RHEB: variants seen among roughly 807,000 people sequenced by gnomAD.
RHEB encodes the protein Ras homolog, mTORC1 binding, also known as GTP-binding protein Rheb.
RHEB carries 2 observed loss-of-function variants against 28.8 expected under a neutral mutation model. The observed-to-expected ratio is 0.07, with a 90% CI of 0.03 to 0.22. RHEB has a LOEUF of 0.22. Among genes scored for constraint, RHEB ranks in the 10% least tolerant of loss-of-function variants. The pLI, the probability that RHEB is intolerant of heterozygous loss-of-function variation, is 1.00. For missense variants in RHEB, 76 were observed against 219.9 expected, an observed-to-expected ratio of 0.35 and a Z score of 4.14; for synonymous variants, 69 against 77.3, an observed-to-expected ratio of 0.89 and a Z score of 0.56.
chr7:151,494,015 G>A (rs1417722075), intron 1 of RHEB, among the ~76,000 whole-genome samples: 1 of 152,200 alleles, frequency 6.6e-6, no homozygotes, highest in Non-Finnish European at 1.5e-5. Flanking sequence ...AAGGACTCCA[G>A]TGGGCTTTTT....
intron 3 of RHEB, among the ~76,000 whole-genome samples, chr7:151,480,690 T>C (rs1262915447): frequency 1.6e-5 from 2 of 127,966 alleles, no homozygotes; most frequent in African/African-American, 5.3e-5. Flanking sequence ...TTAATTATTA[T>C]TTTTTTTTTT....
Position 151,490,705 on chromosome 7 carries a change from A to C in RHEB, c.124+238T>G, listed in dbSNP as rs190691758. On this transcript the variant is annotated intron_variant, in intron 2 of 7. Transcript: ENST00000262187. The stretch of plus-strand genomic sequence containing the variant: ...GCAGATTCTGGAATTTGAAGATTCC[A>C]GTAATGGGCCAGACTCCTACTGACT... Among the ~76,000 whole-genome samples the C allele has an allele frequency of 2.0e-3, 312 of 152,342 alleles. 2 individuals are homozygous for C. The highest frequency in any genetic ancestry group is 7.3e-3 in the African/African-American group (303 of 41,572).
intron 7 of RHEB, 35 bp downstream of exon 7, chr7:151,470,536 A>T (rs1447114127): frequency 7.0e-7 from 1 of 1,419,330 alleles, no homozygotes; most frequent in Non-Finnish European, 1.0e-6. Context: ...ACTGATGAGA[A>T]CGCAATGCAA....
chr7:151,487,785 C>G (rs1011626609), intron 2 of RHEB, among the ~76,000 whole-genome samples: 1 of 152,212 alleles, frequency 6.6e-6, no homozygotes, highest in Non-Finnish European at 1.5e-5. Context: ...CCCTTTCTCC[C>G]TGCCTCTTTG....
intron 3 of RHEB, 75 bp downstream of exon 3, chr7:151,484,662 C>A (rs1802435985): frequency 8.9e-7 from 1 of 1,117,860 alleles, no homozygotes; most frequent in South Asian, 1.3e-5. Context: ...ATAGCTGGTA[C>A]TTTTAAAAAT....
At chr7:151,481,032 C>T (rs1463418011) in intron 3 of RHEB, among the ~76,000 whole-genome samples, 7 of 151,934 alleles carry the variant, frequency 4.6e-5, no homozygotes, top group Non-Finnish European at 1.5e-5. Flanking sequence ...AAAATCAGAC[C>T]TTGGTGACCT....
At chr7:151,509,137 G>A in intron 1 of RHEB, among the ~76,000 whole-genome samples, 1 of 152,204 alleles carries the variant, frequency 6.6e-6, no homozygotes, top group Non-Finnish European at 1.5e-5. Context: ...GCCTGAGTGG[G>A]CAACGTGAGC....
chr7:151,501,917 T>A (rs1252245603), intron 1 of RHEB: 3 of 718,984 alleles, frequency 4.2e-6, no homozygotes, highest in African/African-American at 3.6e-5. Flanking sequence ...GAACGTGGAG[T>A]TCTGGAAGAT....
chr7:151,494,710 G>A (rs1802644659), intron 1 of RHEB, among the ~76,000 whole-genome samples: 1 of 152,218 alleles, frequency 6.6e-6, no homozygotes, highest in African/African-American at 2.4e-5. Context: ...CTGTTCATTA[G>A]CAGAAGTGGC....
At chr7:151,502,553 T>C (rs867941624) in intron 1 of RHEB, 58 of 1,057,128 alleles carry the variant, frequency 5.5e-5, no homozygotes, top group Middle Eastern at 5.7e-4. Context: ...TAATACGTCA[T>C]TGTATTGTGT....
At chr7:151,510,316 T>A (rs1030111605) in intron 1 of RHEB, among the ~76,000 whole-genome samples, 5 of 152,346 alleles carry the variant, frequency 3.3e-5, no homozygotes, top group African/African-American at 1.2e-4. Flanking sequence ...AAAGACTGCC[T>A]GCTCTGGAGC....
chr7:151,486,981 C>T (rs1403209381), intron 2 of RHEB, among the ~76,000 whole-genome samples: 3 of 152,064 alleles, frequency 2.0e-5, no homozygotes, highest in African/African-American at 2.4e-5. Flanking sequence ...TTTTGGGATG[C>T]CTATTAAATA....
At chr7:151,479,150 A>G (rs903874665) in intron 3 of RHEB, among the ~76,000 whole-genome samples, 1 of 152,192 alleles carries the variant, frequency 6.6e-6, no homozygotes, top group Non-Finnish European at 1.5e-5. Flanking sequence ...AAAAATCCAG[A>G]AAGACCTGAC....
chr7:151,471,335 T>C, intron 6 of RHEB, 59 bp downstream of exon 6: 1 of 1,055,770 alleles, frequency 9.5e-7, no homozygotes, highest in Non-Finnish European at 1.4e-6. Context: ...AGAACAATAA[T>C]TAAAATGATA....
chr7:151,483,870 C>A (rs1286646077), intron 3 of RHEB, among the ~76,000 whole-genome samples: 1 of 152,164 alleles, frequency 6.6e-6, no homozygotes, highest in African/African-American at 2.4e-5. Flanking sequence ...GTCAAAAGGG[C>A]TTTTCTTTGT....
At chr7:151,508,619 TAG>T (rs1802928463) in intron 1 of RHEB, among the ~76,000 whole-genome samples, 3 of 149,926 alleles carry the variant, frequency 2.0e-5, no homozygotes, top group African/African-American at 7.3e-5. Context: ...AAAATTACAT[TAG>T]GTTATATTTT....
At chr7:151,475,801 T>C (rs1802261287) in intron 4 of RHEB, among the ~76,000 whole-genome samples, 1 of 152,182 alleles carries the variant, frequency 6.6e-6, no homozygotes, top group African/African-American at 2.4e-5. Context: ...CTATTTCAAA[T>C]ACTAGGTAAT....
Position 151,472,356 on chromosome 7 carries a change from T to TTG in RHEB, c.276-752_276-751insCA. On this transcript the variant is annotated intron_variant, in intron 4 of 7. Transcript: ENST00000262187. This position sits in a 1 kb window ranked among gnomAD's most constrained non-coding sequence, Gnocchi z 5.2. The stretch of plus-strand genomic sequence containing the variant: ...AGCCCCAACCCTTCCCCGCCACCCC[T>TTG]GCTCAGCACAGCAACCAGAGGACTC... 6.6e-6 allele frequency among the ~76,000 whole-genome samples: 1 copy of TTG among 152,162 alleles called. No individual in the cohort carries two copies. Among genetic ancestry groups the TTG allele is most frequent in the Non-Finnish European group, 1.5e-5 (1 of 68,030 alleles).
chr7:151,478,877 C>T (rs1003444674), intron 3 of RHEB, among the ~76,000 whole-genome samples: 7 of 152,172 alleles, frequency 4.6e-5, no homozygotes, highest in East Asian at 1.9e-4. Flanking sequence ...TCAGGTGATC[C>T]GCTTGCCTTG....
Sources: allele counts gnomAD v4.1 joint callset (sites outside exome capture counted in the v4.1 genomes callset), GRCh38; gene constraint gnomAD v4.1.1; non-coding constraint Gnocchi (gnomAD v3.1); transcripts MANE v1.5; gene names NCBI Gene and HGNC (gene_info 2026-07-23, HGNC 2026-07-21).